The following STAT3 variants were observed in gnomAD, a reference collection of about 807,000 sequenced individuals.
The protein encoded by STAT3 is signal transducer and activator of transcription 3.
In STAT3, 7 loss-of-function variants were observed where a neutral mutation model predicts 114.3. That is an observed-to-expected ratio of 0.06 (90% CI 0.03 to 0.11). STAT3 has a LOEUF of 0.11. Ranked by LOEUF, STAT3 falls within the 10% of genes least tolerant of loss-of-function variation. STAT3 has a pLI of 1.00. For synonymous variants in STAT3, 331 were observed against 354.5 expected (o/e 0.93, Z 0.74); for missense variants, 364 against 960.9 (o/e 0.38, Z 8.21).
chr17:42,351,904 A>G (rs1287498606), intron 1 of STAT3, among the ~76,000 whole-genome samples: 1 of 151,648 alleles, frequency 6.6e-6, no homozygotes, highest in Non-Finnish European at 1.5e-5. Context: ...GATTATAGGC[A>G]CGCACCACCA....
intron 4 of STAT3, among the ~76,000 whole-genome samples, chr17:42,343,399 C>A (rs1412216773): frequency 1.3e-5 from 2 of 151,110 alleles, no homozygotes; most frequent in Non-Finnish European, 2.9e-5. Context: ...CCCATACATA[C>A]CAATAGTATA....
chr17:42,385,542 T>C (rs1321343613), intron 1 of STAT3, among the ~76,000 whole-genome samples: 1 of 151,518 alleles, frequency 6.6e-6, no homozygotes, highest in Non-Finnish European at 1.5e-5. Flanking sequence ...TATTTGTTGA[T>C]TTGCACATCA....
chr17:42,327,431 T>A (rs1269523136), intron 14 of STAT3, among the ~76,000 whole-genome samples: 2 of 152,226 alleles, frequency 1.3e-5, no homozygotes, highest in Non-Finnish European at 2.9e-5. Context: ...CACATGGTTA[T>A]GTGTATCTGC....
In STAT3 at chr17:42,329,656, C is replaced by G; in HGVS notation, c.1140-9G>C. 1 of 1,614,162 alleles carries G rather than the reference C, an allele frequency of 6.2e-7. No individual in the cohort carries two copies. Among genetic ancestry groups the G allele is most frequent in the South Asian group, 1.1e-5 (1 of 91,092 alleles). On this transcript the variant is annotated splice_polypyrimidine_tract_variant and intron_variant, in intron 12 of 23. Transcript: ENST00000264657. ...TGTTAAATTTCCGGGATCTGAATCA[C>G]AGGGGAACAATCAACTATGTAGGTG...
In STAT3 at chr17:42,388,262, C is replaced by A; in HGVS notation, c.-24+17G>T. 1 of 1,231,890 alleles carries A rather than the reference C, an allele frequency of 8.1e-7. No individual in the cohort carries two copies. The highest frequency in any genetic ancestry group is 1.0e-6 in the Non-Finnish European group (1 of 988,098). 76.3% of individuals were successfully genotyped at this position (1,231,890 alleles called of 1,614,324 possible). A position where few individuals can be genotyped will look rare whatever the true frequency, so the allele number is the denominator to read the frequency against. On this transcript the variant is annotated intron_variant, in intron 1 of 23. Transcript: ENST00000264657. Reference sequence around the variant, plus strand: ...TCCCCAGGCCTCCCCAACGGCCCCACCCTGCACCCCCTTCACCTGTTTCTC... The same window carrying A: ...TCCCCAGGCCTCCCCAACGGCCCCAACCTGCACCCCCTTCACCTGTTTCTC...
intron 1 of STAT3, among the ~76,000 whole-genome samples, 155 bp from the exon 2 acceptor site, chr17:42,348,694 T>A (rs924428297): frequency 6.6e-6 from 1 of 152,142 alleles, no homozygotes; most frequent in Non-Finnish European, 1.5e-5. Context: ...ATTTTATTTT[T>A]AAAAAATAGA....
At chr17:42,344,946 T>C (rs781098386) in intron 4 of STAT3, among the ~76,000 whole-genome samples, 2 of 151,794 alleles carry the variant, frequency 1.3e-5, no homozygotes, top group African/African-American at 2.4e-5. Flanking sequence ...GTTTGAATGA[T>C]ATTGGAATAA....
chr17:42,376,282 G>A (rs1274604627), intron 1 of STAT3, among the ~76,000 whole-genome samples: 1 of 152,180 alleles, frequency 6.6e-6, no homozygotes, highest in Non-Finnish European at 1.5e-5. Context: ...GATAAAATTT[G>A]AGCTTTAGAG....
intron 1 of STAT3, among the ~76,000 whole-genome samples, chr17:42,361,856 A>C (rs2083527301): frequency 6.6e-6 from 1 of 152,210 alleles, no homozygotes; most frequent in Non-Finnish European, 1.5e-5. Context: ...TTTACATTTC[A>C]AAAAGATCCC....
chr17:42,381,649 G>A (rs2084806337), intron 1 of STAT3, among the ~76,000 whole-genome samples: 2 of 151,162 alleles, frequency 1.3e-5, no homozygotes, highest in East Asian at 2.0e-4. Context: ...GGAGAGTGGC[G>A]TGAACCCGGG....
At chr17:42,346,848 G>C in intron 2 of STAT3, 135 bp from the exon 3 acceptor site, 1 of 1,210,536 alleles carries the variant, frequency 8.3e-7, no homozygotes, top group Non-Finnish European at 1.2e-6. Flanking sequence ...CATCATGTTA[G>C]ATTCTTCTTG....
At position 42,313,529 on chromosome 17, in the gene STAT3, G is replaced by A. The variant is rs1449404093; in HGVS notation, c.*2216C>T. On this transcript the variant is annotated 3_prime_UTR_variant, in exon 24 of 24. Transcript: ENST00000264657. ...GGTAAGCAACCCACGGGATTCCCTC[G>A]GCTGGGCTGGGGATGGGGAGGGGGC... The A allele has an allele frequency of 1.3e-5, 3 of 231,142 alleles. No individual in the cohort carries two copies. Among genetic ancestry groups the A allele is most frequent in the African/African-American group, 4.4e-5 (2 of 45,140 alleles). The allele number at this position is 231,142 out of a possible 1,614,324, so 14.3% of individuals were successfully genotyped here. A position where few individuals can be genotyped will look rare whatever the true frequency, so the allele number is the denominator to read the frequency against.
At chr17:42,317,119 CATTCCCAGGGATAACTGAGG>C in intron 22 of STAT3, 43 bp downstream of exon 22, 1 of 1,610,746 alleles carries the variant, frequency 6.2e-7, no homozygotes, top group Non-Finnish European at 8.5e-7. Flanking sequence ...CCCAGTGTCC[CATTCCCAGGGATAACTGAGG>C]ATATTAGAAA....
intron 1 of STAT3, among the ~76,000 whole-genome samples, chr17:42,363,721 C>T (rs112693630): frequency 0.061 from 9,241 of 151,606 alleles, 350 homozygotes; most frequent in Non-Finnish European, 0.074. Context: ...CAAAGTGCTG[C>T]GATTATAGGC....
In STAT3 at chr17:42,388,347, C is replaced by T; in HGVS notation, c.-92G>A. On this transcript the variant is annotated 5_prime_UTR_variant, in exon 1 of 24. Transcript: ENST00000264657. ...CCGGGGACGGGCGGCGAGGCTCCCT[C>T]AGGCCGAAGGGCCTCTCCGAGCCGA... 6 of 1,232,064 alleles carry T rather than the reference C, an allele frequency of 4.9e-6. No homozygotes were observed. The highest frequency in any genetic ancestry group is 6.1e-6 in the Non-Finnish European group (6 of 988,272). The allele number at this position is 1,232,064 out of a possible 1,614,324, so 76.3% of individuals were successfully genotyped here.
chr17:42,362,173 A>AT (rs1471973081), intron 1 of STAT3, among the ~76,000 whole-genome samples: 1 of 152,214 alleles, frequency 6.6e-6, no homozygotes, highest in African/African-American at 2.4e-5. Flanking sequence ...TGTTCTATAA[A>AT]TTACTGTCAA....
chr17:42,330,263 T>G (rs1378767827), intron 11 of STAT3, among the ~76,000 whole-genome samples: 9 of 149,410 alleles, frequency 6.0e-5, no homozygotes, highest in African/African-American at 1.7e-4. Context: ...ATTACGGGCA[T>G]GCGCCAACAC....
At chr17:42,366,996 C>G (rs965791986) in intron 1 of STAT3, among the ~76,000 whole-genome samples, 1 of 151,998 alleles carries the variant, frequency 6.6e-6, no homozygotes, top group Admixed American at 6.6e-5. Flanking sequence ...CAAAAATTAG[C>G]CAGGTGTAGT....
rs897810428 is a variant in STAT3, at chr17:42,333,485, T to G, written c.1049+188A>C. On this transcript the variant is annotated intron_variant, in intron 10 of 23. Transcript: ENST00000264657. The surrounding 1 kb of genome is among the most constrained non-coding windows in gnomAD (Gnocchi z 5.2). ...GCCCAGGTACCTTCAAAAAGATGAC[T>G]GCTCTTTTGCTTTTGACATCAGAAT... Among the ~76,000 whole-genome samples, 6 of 152,162 alleles carry G rather than the reference T, an allele frequency of 3.9e-5. No homozygotes were observed. Among genetic ancestry groups the G allele is most frequent in the African/African-American group, 1.4e-4 (6 of 41,444 alleles).
Sources: allele counts gnomAD v4.1 joint callset (sites outside exome capture counted in the v4.1 genomes callset), GRCh38; gene constraint gnomAD v4.1.1; non-coding constraint Gnocchi (gnomAD v3.1); transcripts MANE v1.5; gene names NCBI Gene and HGNC (gene_info 2026-07-23, HGNC 2026-07-21).